HSPG2: variants seen among roughly 807,000 people sequenced by gnomAD.
HSPG2 encodes heparan sulfate proteoglycan 2, also known as basement membrane-specific heparan sulfate proteoglycan core protein.
A neutral mutation model predicts 526.6 loss-of-function variants in HSPG2; 278 were observed. The ratio of observed to expected loss-of-function variants is 0.53; its 90% CI spans 0.48 to 0.58. The LOEUF (loss-of-function observed/expected upper bound fraction) is 0.58, where lower values mean the gene tolerates loss of function less well. Ranked by LOEUF, HSPG2 falls within the 20% of genes least tolerant of loss-of-function variation. The probability of loss-of-function intolerance (pLI) is 0.00; values close to 1 mark genes in which losing one functional copy is unlikely to be tolerated. For missense variants in HSPG2, 5,354 were observed against 6,099.5 expected, an observed-to-expected ratio of 0.88 and a Z score of 4.07; for synonymous variants, 2,465 against 2,555.4, an observed-to-expected ratio of 0.96 and a Z score of 1.07.
chr1:21,900,426 G>T (rs71637000), intron 1 of HSPG2, among the ~76,000 whole-genome samples: 1,714 of 152,282 alleles, frequency 0.011, 21 homozygotes, highest in South Asian at 0.022. Flanking sequence ...CAATCCCAGA[G>T]GTGGGCTATG....
chr1:21,879,658 G>GTT (rs11387010), intron 17 of HSPG2, among the ~76,000 whole-genome samples: 148 of 149,172 alleles, frequency 9.9e-4, no homozygotes, highest in South Asian at 8.6e-3. Flanking sequence ...TCTCTGGGTT[G>GTT]TTTTTTTTTT....
chr1:21,831,623 G>A, intron 82 of HSPG2, 29 bp downstream of exon 82: 1 of 1,612,212 alleles, frequency 6.2e-7, no homozygotes, highest in Non-Finnish European at 8.5e-7. Context: ...GATGAGGGCT[G>A]GAAGTAGCAG....
chr1:21,908,150 C>G (rs1402038083), intron 1 of HSPG2: 1 of 837,414 alleles, frequency 1.2e-6, no homozygotes, highest in Non-Finnish European at 2.1e-6. Flanking sequence ...TTCTCCAGGC[C>G]TTTTAGAAAA....
rs551160253 is a variant in HSPG2 at position 21,837,581 on chromosome 1, G to A, written c.10151-575C>T. On this transcript the variant is annotated intron_variant, in intron 74 of 96. Coordinates refer to ENST00000374695, the MANE Select transcript of HSPG2 (RefSeq NM_005529.7). ...TAGGATTACAGGCGTGAGCCACCGCGCCCGGCCATACTCAGACATTTTAAG... is the reference window on the plus strand; with the variant it reads ...TAGGATTACAGGCGTGAGCCACCGCACCCGGCCATACTCAGACATTTTAAG... Among the ~76,000 whole-genome samples the A allele has an allele frequency of 3.9e-5, 6 of 151,900 alleles. No individual in the cohort carries two copies. In the South Asian group the frequency reaches 6.3e-4, roughly 16 times the overall value.
chr1:21,843,401 G>A lies in HSPG2; in HGVS notation c.8654C>T (p.Pro2885Leu), dbSNP rs769938895. The stretch of plus-strand genomic sequence containing the variant: ...GCACGAGTACTCGCCAGAGTCAGCC[G>A]GGGACACCTGGTTCAGCCTCAGCAG... Reference protein sequence around the residue: ...GPLLRLNQVSPADSGEYSCQV... With the variant: ...GPLLRLNQVSLADSGEYSCQV... Residue 2885 changes from proline to leucine, a missense_variant, in exon 66 of 97, where the codon CCG becomes CTG. Physicochemically the swap from Pro to Leu is moderately conservative, Grantham distance 98. Coordinates refer to ENST00000374695, the MANE Select transcript of HSPG2 (RefSeq NM_005529.7). 36 of 1,613,628 alleles carry A rather than the reference G, an allele frequency of 2.2e-5. No individual in the cohort carries two copies. The highest frequency in any genetic ancestry group is 4.5e-5 in the East Asian group (2 of 44,864).
rs1642304356 is a variant in HSPG2, at chr1:21,890,782, G to A, written c.245-88C>T. ...TTGGACCATTCAGGCAGAGTTGGGG[G>A]GATGGCCCCCAGAGGCCTCCCTCGA... On this transcript the variant is annotated intron_variant, in intron 3 of 96. Coordinates refer to ENST00000374695, the MANE Select transcript of HSPG2 (RefSeq NM_005529.7). The surrounding 1 kb of genome is among the most constrained non-coding windows in gnomAD (Gnocchi z 4.1). The A allele has an allele frequency of 2.0e-6, 2 of 994,622 alleles. No individual in the cohort carries two copies. The highest frequency in any genetic ancestry group is 1.3e-5 in the South Asian group (1 of 76,408). The allele number at this position is 994,622 out of a possible 1,614,324, so 61.6% of individuals were successfully genotyped here.
chr1:21,844,022 C>T (rs1223217806), intron 65 of HSPG2, 126 bp downstream of exon 65: 1 of 1,293,652 alleles, frequency 7.7e-7, no homozygotes, highest in African/African-American at 1.4e-5. Flanking sequence ...CTTCCTGATT[C>T]CATTGACCTC....
chr1:21,927,533 A>C (rs1003403739), intron 1 of HSPG2, among the ~76,000 whole-genome samples: 1 of 151,622 alleles, frequency 6.6e-6, no homozygotes, highest in Admixed American at 6.6e-5. Flanking sequence ...GACATCCCCC[A>C]CCCCCCCCAC....
rs3736356 is a variant in HSPG2, at chr1:21,823,972, C to T, written c.12899+149G>A. On this transcript the variant is annotated intron_variant, in intron 95 of 96. Transcript: ENST00000374695. ...CGGAGTTCAGTCCGAGATGGAAGCC[C>T]GAGCCCTGGCTGGTGGGTTCTCCCC... 5,756 of 869,822 alleles carry T rather than the reference C, an allele frequency of 6.6e-3. 240 individuals are homozygous for T. In the Admixed American group the frequency reaches 0.079, roughly 12 times the overall value. The allele number at this position is 869,822 out of a possible 1,614,324, so 53.9% of individuals were successfully genotyped here. A position where few individuals can be genotyped will look rare whatever the true frequency, so the allele number is the denominator to read the frequency against.
rs755828962 is a variant in HSPG2 at position 21,875,867 on chromosome 1, C to T, written c.3179G>A (p.Arg1060Gln). 6.4e-5 allele frequency: 104 copies of T among 1,613,870 alleles called. No homozygotes were observed. The highest frequency in any genetic ancestry group is 2.4e-4 in the East Asian group (11 of 44,898). The change falls in exon 24 of 97, where the codon CGG (arginine) becomes CAG (glutamine). Residue 1060 changes from arginine (R) to glutamine (Q), a missense_variant. Arg to Gln is a conservative substitution (Grantham distance 43, BLOSUM62 1). Transcript: ENST00000374695. ...CCAGGGGACAGTATTGCTCACCTCCCGGAAAGGCACAATGAAGGTGCTGGG... is the reference window on the plus strand; with the variant it reads ...CCAGGGGACAGTATTGCTCACCTCCTGGAAAGGCACAATGAAGGTGCTGGG... ...GQPSTFIVPF[R>Q]EQAWQRPDGQ...
intron 49 of HSPG2, 89 bp downstream of exon 49, chr1:21,854,522 T>C: frequency 6.8e-7 from 1 of 1,467,314 alleles, no homozygotes; most frequent in Non-Finnish European, 9.2e-7. Context: ...TGGGGCAGTG[T>C]GCCGCCTCCC....
Position 21,842,757 on chromosome 1 carries a change from C to T in HSPG2, c.8910+13G>A, listed in dbSNP as rs1328944124. On this transcript the variant is annotated intron_variant, in intron 67 of 96. Transcript: ENST00000374695. ...TGCCTGACCTGGAATCCTCCCCATC[C>T]TGGCCCCTGTACCTGGTGCCGGGCG... The T allele has an allele frequency of 1.2e-6, 2 of 1,612,578 alleles. No homozygotes were observed.
Position 21,846,481 on chromosome 1 carries a change from G to A in HSPG2, c.8283C>T (p.His2761=), listed in dbSNP as rs570621781. The A allele has an allele frequency of 6.2e-6, 10 of 1,613,578 alleles. No individual in the cohort carries two copies. The highest frequency in any genetic ancestry group is 8.5e-6 in the Non-Finnish European group (10 of 1,180,058). ...PGQAHAQVTW[H]KRGGSLPSHH... ...GACTGGGGAGGCTGCCCCCACGCTTGTGCCAAGTGACCTGGGCATGGGCCT... is the reference window on the plus strand; with the variant it reads ...GACTGGGGAGGCTGCCCCCACGCTTATGCCAAGTGACCTGGGCATGGGCCT... The change falls in exon 63 of 97, where the codon CAC becomes CAT. Residue 2761 remains histidine, a synonymous_variant. Transcript: ENST00000374695.
rs143015575 is a variant in HSPG2, at chr1:21,828,962, C to G, written c.12110G>C (p.Arg4037Pro). ...LRVNGGRPVLRSSPGKSQGLN... is the reference protein window; with the variant it reads ...LRVNGGRPVLPSSPGKSQGLN... ...GCCCTGGCTCTTGCCGGGCGAGGAG[C>G]GCAGCACAGGGCGTCCACCATTCAC... Residue 4037 changes from arginine (R) to proline (P), a missense_variant, in exon 88 of 97, where the codon CGC (arginine) becomes CCC (proline). Coordinates refer to ENST00000374695, the MANE Select transcript of HSPG2 (RefSeq NM_005529.7). This position sits in a 1 kb window ranked among gnomAD's most constrained non-coding sequence, Gnocchi z 6.0. 1.3e-6 allele frequency: 2 copies of G among 1,577,802 alleles called. No individual in the cohort carries two copies. The highest frequency in any genetic ancestry group is 1.7e-6 in the Non-Finnish European group (2 of 1,162,058).
In HSPG2 at chr1:21,889,686, C is replaced by T. The variant is rs530919229; in HGVS notation, c.574+295G>A. 1.4e-4 allele frequency: 62 copies of T among 433,292 alleles called. No individual in the cohort carries two copies. The South Asian group carries it at 1.7e-3, about 12-fold the overall frequency. 26.8% of individuals were successfully genotyped at this position (433,292 alleles called of 1,614,324 possible). On this transcript the variant is annotated intron_variant, in intron 6 of 96. Transcript: ENST00000374695. ...AACAGTTGCTCATTATTATTAAGTA[C>T]TAATGTGTTTTGGACTTGGAAGTAC... is the stretch of plus-strand genomic sequence containing the variant.
In HSPG2 at chr1:21,847,458, G is replaced by A; in HGVS notation, c.8060C>T (p.Ser2687Phe). 1 of 1,613,954 alleles carries A rather than the reference G, an allele frequency of 6.2e-7. No individual in the cohort carries two copies. Among genetic ancestry groups the A allele is most frequent in the Non-Finnish European group, 8.5e-7 (1 of 1,180,042 alleles). ...HGSHLRLHQM[S>F]VADSGEYVCR... The stretch of plus-strand genomic sequence containing the variant: ...CACATACTCGCCCGAGTCAGCCACA[G>A]ACATTTGGTGCAACCGCAGGTGGGA... The change falls in exon 62 of 97, where the codon TCT becomes TTT. Residue 2687 changes from serine (S) to phenylalanine (F), a missense_variant. By Grantham distance (155) the Ser-to-Phe change is radical. Coordinates refer to ENST00000374695, the MANE Select transcript of HSPG2 (RefSeq NM_005529.7). This position sits in a 1 kb window ranked among gnomAD's most constrained non-coding sequence, Gnocchi z 4.1.
rs560206345 is a variant in HSPG2 at position 21,887,988 on chromosome 1, C to T, written c.653G>A (p.Arg218His). 2.0e-5 allele frequency: 32 copies of T among 1,614,062 alleles called. No homozygotes were observed. The South Asian group carries it at 2.5e-4, about 13-fold the overall frequency. ...CCTGCAGTCGGGCCGCCGGTCACAG[C>T]GATACTCCAGGGCCACACACTCATT... Reference protein sequence around the residue: ...SYNECVALEYRCDRRPDCRDM... With the variant: ...SYNECVALEYHCDRRPDCRDM... The change falls in exon 7 of 97, where the codon CGC becomes CAC. Residue 218 changes from arginine (R) to histidine (H), a missense_variant. Coordinates refer to ENST00000374695, the MANE Select transcript of HSPG2 (RefSeq NM_005529.7). This position sits in a 1 kb window ranked among gnomAD's most constrained non-coding sequence, Gnocchi z 5.0.
At chr1:21,850,625 C>T (rs957343380) in intron 55 of HSPG2, 127 bp from the exon 56 acceptor site, 17 of 1,180,264 alleles carry the variant, frequency 1.4e-5, no homozygotes, top group Admixed American at 2.9e-5. Context: ...CTGTCCTTCA[C>T]ATGGGGAAGG....
rs771862177 is a variant in HSPG2, at chr1:21,829,032, G to T, written c.12040C>A (p.His4014Asn). 9 of 1,551,292 alleles carry T rather than the reference G, an allele frequency of 5.8e-6. No homozygotes were observed. Among genetic ancestry groups the T allele is most frequent in the Non-Finnish European group, 7.0e-6 (8 of 1,148,570 alleles). Residue 4014 changes from histidine to asparagine, a missense_variant, in exon 88 of 97, where the codon CAC (histidine) becomes AAC (asparagine). Transcript: ENST00000374695. ...TTGAGACGCTCTGCAGACACACGGT[G>T]CCAGCGGCCCAGGGCCAGCGGCTCG... Reference protein sequence around the residue: ...SAEPLALGRWHRVSAERLNKD... With the variant: ...SAEPLALGRWNRVSAERLNKD...
Sources: gnomAD v4.1 joint callset for allele counts (sites outside exome capture counted in the v4.1 genomes callset) on GRCh38, gnomAD v4.1.1 for gene constraint, Gnocchi (gnomAD v3.1) non-coding constraint, MANE v1.5 for transcripts, NCBI Gene and HGNC (gene_info 2026-07-23, HGNC 2026-07-21) for gene names.